Variants in OPRM1 observed in about 807,000 individuals in gnomAD.
The protein encoded by OPRM1 is opioid receptor mu 1.
In OPRM1, 27 loss-of-function variants were observed where a neutral mutation model predicts 31.8. That is an observed-to-expected ratio of 0.85 (90% CI 0.63 to 1.17). The LOEUF (loss-of-function observed/expected upper bound fraction) is 1.17, where lower values mean the gene tolerates loss of function less well. Among genes scored for constraint, OPRM1 ranks in the 50% most tolerant of loss-of-function variants. The probability of loss-of-function intolerance (pLI) is 0.00; values close to 1 mark genes in which losing one functional copy is unlikely to be tolerated. For synonymous variants in OPRM1, 196 were observed against 189.9 expected, an observed-to-expected ratio of 1.03 and a Z score of -0.26; for missense variants, 536 against 511.1, an observed-to-expected ratio of 1.05 and a Z score of -0.47.
At chr6:154,196,510 C>T (rs1258382933) in intron 3 of OPRM1, among the ~76,000 whole-genome samples, 1 of 151,986 alleles carries the variant, frequency 6.6e-6, no homozygotes, top group Non-Finnish European at 1.5e-5. Flanking sequence ...ATTGGGTATT[C>T]GTCTTATTTG....
intron 3 of OPRM1, among the ~76,000 whole-genome samples, chr6:154,096,886 ATAAAT>A (rs1215326826): frequency 3.3e-5 from 5 of 152,206 alleles, no homozygotes; most frequent in African/African-American, 1.2e-4. Context: ...AACTGCTCTA[ATAAAT>A]TATAGTTTGT....
intron 3 of OPRM1, among the ~76,000 whole-genome samples, chr6:154,204,463 T>G (rs1462347220): frequency 6.6e-6 from 1 of 152,104 alleles, no homozygotes. Context: ...AAACAAAAAA[T>G]AAACCAGTCA....
At chr6:154,071,250 G>A (rs1411849442) in intron 1 of OPRM1, among the ~76,000 whole-genome samples, 1 of 152,114 alleles carries the variant, frequency 6.6e-6, no homozygotes, top group Non-Finnish European at 1.5e-5. Flanking sequence ...AAGGTGAGAT[G>A]GTATCCAACA....
intron 3 of OPRM1, among the ~76,000 whole-genome samples, chr6:154,148,768 C>T (rs2128540642): frequency 6.6e-6 from 1 of 152,316 alleles, no homozygotes; most frequent in South Asian, 2.1e-4. Flanking sequence ...CCGTGGAAGG[C>T]TTTCCATTCA....
chr6:154,178,632 G>A (rs751671276), intron 3 of OPRM1, among the ~76,000 whole-genome samples: 2 of 152,064 alleles, frequency 1.3e-5, no homozygotes, highest in African/African-American at 2.4e-5. Context: ...ACCTGTTGGG[G>A]TAACCAGACA....
At chr6:154,015,910 T>C (rs746795120) in intron 1 of OPRM1, among the ~76,000 whole-genome samples, 34 of 152,098 alleles carry the variant, frequency 2.2e-4, no homozygotes, top group Middle Eastern at 3.4e-3. Flanking sequence ...CACTGAGATA[T>C]CATTTCTCAC....
At chr6:154,233,970 A>G (rs1437852239) in intron 3 of OPRM1, among the ~76,000 whole-genome samples, 1 of 152,182 alleles carries the variant, frequency 6.6e-6, no homozygotes, top group African/African-American at 2.4e-5. Flanking sequence ...GCACTTTGAG[A>G]GGCCAAAGCA....
chr6:154,099,410 AAGAG>A (rs1370896360), intron 3 of OPRM1, among the ~76,000 whole-genome samples: 26 of 76,130 alleles, frequency 3.4e-4, no homozygotes, highest in African/African-American at 1.2e-3. Flanking sequence ...TAAAGAAAGA[AAGAG>A]AGAAAGAGAA....
chr6:154,077,324 G>A (rs890854825), intron 1 of OPRM1, among the ~76,000 whole-genome samples: 24 of 151,878 alleles, frequency 1.6e-4, no homozygotes, highest in African/African-American at 5.3e-4. Context: ...CACCATGCTC[G>A]CCAGGCTGGT....
At chr6:154,151,163 C>T (rs889707765) in intron 3 of OPRM1, among the ~76,000 whole-genome samples, 9 of 152,200 alleles carry the variant, frequency 5.9e-5, no homozygotes, top group African/African-American at 1.2e-4. Flanking sequence ...TCCATCCTTA[C>T]GATCGGTATC....
At chr6:154,139,609 G>T (rs143717918) in intron 3 of OPRM1, among the ~76,000 whole-genome samples, 370 of 152,162 alleles carry the variant, frequency 2.4e-3, no homozygotes, top group African/African-American at 8.1e-3. Context: ...TGCAGCCCAG[G>T]GACACCTTCT....
At chr6:154,180,414 A>ATATATATATATATATATATATTTTTTTT (rs1241250621) in intron 3 of OPRM1, among the ~76,000 whole-genome samples, 1 of 65,264 alleles carries the variant, frequency 1.5e-5, no homozygotes, top group African/African-American at 4.8e-5. Context: ...ATATATATAT[A>ATATATATATATATATATATATTTTTTTT]TTTTTTTTTT....
At chr6:154,182,246 G>A (rs1196952733) in intron 3 of OPRM1, among the ~76,000 whole-genome samples, 1 of 152,100 alleles carries the variant, frequency 6.6e-6, no homozygotes, top group Non-Finnish European at 1.5e-5. Context: ...CTCTGCCAGA[G>A]TCATGTACGT....
chr6:154,210,851 A>G (rs1168634382), intron 3 of OPRM1, among the ~76,000 whole-genome samples: 8 of 152,156 alleles, frequency 5.3e-5, no homozygotes, highest in Non-Finnish European at 1.0e-4. Context: ...TTATTCAACA[A>G]TATTTATGTC....
At chr6:154,218,789 G>A (rs1400609890) in intron 3 of OPRM1, among the ~76,000 whole-genome samples, 1 of 152,152 alleles carries the variant, frequency 6.6e-6, no homozygotes, top group Non-Finnish European at 1.5e-5. Flanking sequence ...CATTTAGCCG[G>A]ATGGACAATT....
At chr6:154,066,026 C>A (rs1785325928) in intron 1 of OPRM1, among the ~76,000 whole-genome samples, 1 of 152,082 alleles carries the variant, frequency 6.6e-6, no homozygotes, top group African/African-American at 2.4e-5. Flanking sequence ...ATGAGATTAT[C>A]ATGTGGTTTA....
intron 3 of OPRM1, chr6:154,160,181 C>A: frequency 1.5e-6 from 1 of 684,748 alleles, no homozygotes; most frequent in South Asian, 1.8e-5. Flanking sequence ...CTAATTCCAG[C>A]ATTAAGCTTA....
intron 1 of OPRM1, among the ~76,000 whole-genome samples, chr6:154,070,507 AG>A (rs1786462008): frequency 6.6e-6 from 1 of 152,242 alleles, no homozygotes; most frequent in Non-Finnish European, 1.5e-5. Context: ...GAAAAATCCA[AG>A]TAAACTCTTT....
intron 1 of OPRM1, among the ~76,000 whole-genome samples, chr6:154,072,563 C>T (rs1232257752): frequency 6.6e-6 from 1 of 152,202 alleles, no homozygotes; most frequent in African/African-American, 2.4e-5. Context: ...CACTCCTGGT[C>T]CCCAAGCTCC....
Sources: allele counts gnomAD v4.1 joint callset (sites outside exome capture counted in the v4.1 genomes callset), GRCh38; gene constraint gnomAD v4.1.1; transcripts MANE v1.5; gene names NCBI Gene and HGNC (gene_info 2026-07-23, HGNC 2026-07-21).